The following TNKS variants were observed in gnomAD, a reference collection of about 807,000 sequenced individuals.
The protein encoded by TNKS is poly [ADP-ribose] polymerase tankyrase-1.
TNKS carries 72 observed loss-of-function variants against 135.8 expected under a neutral mutation model. That is an observed-to-expected ratio of 0.53 (90% CI 0.44 to 0.64). The LOEUF is 0.64. Among genes scored for constraint, TNKS ranks in the 30% least tolerant of loss-of-function variants. The probability of loss-of-function intolerance (pLI) is 0.00; values close to 1 mark genes in which losing one functional copy is unlikely to be tolerated. For missense variants in TNKS, 1,769 were observed against 1,674.0 expected, an observed-to-expected ratio of 1.06 and a Z score of -0.99; for synonymous variants, 849 against 649.3, an observed-to-expected ratio of 1.31 and a Z score of -4.68.
chr8:9,751,872 T>A, intron 19 of TNKS, 26 bp downstream of exon 19: 1 of 1,604,146 alleles, frequency 6.2e-7, no homozygotes. Flanking sequence ...GAATGCTTAT[T>A]TATTTATACC....
chr8:9,735,023 C>T lies in TNKS; in HGVS notation c.2472C>T (p.Thr824=), dbSNP rs746955065. 3 of 1,614,066 alleles carry T rather than the reference C, an allele frequency of 1.9e-6. No individual in the cohort carries two copies. The East Asian group carries it at 6.7e-5, about 36-fold the overall frequency. Residue 824 remains threonine (T), a synonymous_variant, in exon 16 of 27, where the codon ACC becomes ACT. Transcript: ENST00000310430. ...GCLARVQKLC[T]PENINCRDTQ... ...TGGCAAGAGTGCAGAAGCTCTGTAC[C>T]CCAGAGAATATCAACTGCAGAGACA...
At chr8:9,729,122 C>T (rs1017158507) in intron 13 of TNKS, among the ~76,000 whole-genome samples, 2 of 152,160 alleles carry the variant, frequency 1.3e-5, no homozygotes, top group African/African-American at 2.4e-5. Context: ...GCTGTATCCT[C>T]ACTTGGCAGA....
At chr8:9,684,626 C>G (rs1802911369) in intron 5 of TNKS, among the ~76,000 whole-genome samples, 4 of 152,070 alleles carry the variant, frequency 2.6e-5, no homozygotes, top group African/African-American at 9.7e-5. Flanking sequence ...ACTGTTGCTA[C>G]TAGTATATGT....
chr8:9,633,851 T>G (rs1800393062), intron 3 of TNKS, among the ~76,000 whole-genome samples: 1 of 152,132 alleles, frequency 6.6e-6, no homozygotes, highest in Non-Finnish European at 1.5e-5. Context: ...TCCAGCCGCA[T>G]TTAAGCCTTG....
At chr8:9,658,669 G>A (rs1585290001) in intron 3 of TNKS, among the ~76,000 whole-genome samples, 1 of 152,190 alleles carries the variant, frequency 6.6e-6, no homozygotes, top group African/African-American at 2.4e-5. Context: ...GGAAGAAACT[G>A]CATCAACTAA....
At chr8:9,647,218 C>A (rs1800951425) in intron 3 of TNKS, among the ~76,000 whole-genome samples, 1 of 152,140 alleles carries the variant, frequency 6.6e-6, no homozygotes, top group African/African-American at 2.4e-5. Flanking sequence ...CAATACTTAC[C>A]TTTGTTCACT....
chr8:9,589,579 C>G (rs1184821934), intron 2 of TNKS, among the ~76,000 whole-genome samples: 1 of 152,168 alleles, frequency 6.6e-6, no homozygotes. Flanking sequence ...ATCTGATGCC[C>G]CACTTTGAGT....
At chr8:9,724,075 A>G (rs1262648119) in intron 12 of TNKS, among the ~76,000 whole-genome samples, 2 of 152,220 alleles carry the variant, frequency 1.3e-5, no homozygotes, top group Non-Finnish European at 1.5e-5. Context: ...CTAACTTTTT[A>G]AAAACTCTAA....
intron 12 of TNKS, among the ~76,000 whole-genome samples, chr8:9,725,338 A>G (rs2128814756): frequency 6.6e-6 from 1 of 152,364 alleles, no homozygotes; most frequent in South Asian, 2.1e-4. Context: ...AAAATGTAAT[A>G]TAACTCTTAA....
chr8:9,580,238 C>A lies in TNKS; in HGVS notation c.753C>A (p.Ile251=), dbSNP rs766530899. Residue 251 remains isoleucine (I), a synonymous_variant, in exon 2 of 27, where the codon ATC becomes ATA. Transcript: ENST00000310430. Reference sequence around the variant, plus strand: ...ACGCTCGTGATGATGGAGGTCTCATCCCGCTTCATAATGCCTGTTCTTTTG... The same window carrying A: ...ACGCTCGTGATGATGGAGGTCTCATACCGCTTCATAATGCCTGTTCTTTTG... The part of the protein sequence containing the change: ...NVHARDDGGL[I]PLHNACSFGH... 4 of 1,614,014 alleles carry A rather than the reference C, an allele frequency of 2.5e-6. No homozygotes were observed. In the East Asian group the frequency reaches 8.9e-5, roughly 36 times the overall value.
chr8:9,582,670 C>G lies in TNKS; in HGVS notation c.898+2287C>G, dbSNP rs80155315. ...TTACATGTAAAATGAGAATACTGTTCTTCACAGTGTTCCTGAGAGGATAAG... is the reference window on the plus strand; with the variant it reads ...TTACATGTAAAATGAGAATACTGTTGTTCACAGTGTTCCTGAGAGGATAAG... On this transcript the variant is annotated intron_variant, in intron 2 of 26. Transcript: ENST00000310430. Among the ~76,000 whole-genome samples, 932 of 152,266 alleles carry G rather than the reference C, an allele frequency of 6.1e-3. 11 individuals carry two copies. Among genetic ancestry groups the G allele is most frequent in the African/African-American group, 0.021 (887 of 41,550 alleles).
At chr8:9,735,131 C>T (rs1235223767) in intron 16 of TNKS, 47 bp downstream of exon 16, 1 of 1,548,742 alleles carries the variant, frequency 6.5e-7, no homozygotes, top group East Asian at 2.3e-5. Flanking sequence ...TTCTCGGACA[C>T]CTAATACAGT....
At chr8:9,749,858 G>A (rs575028634) in intron 18 of TNKS, among the ~76,000 whole-genome samples, 1 of 152,138 alleles carries the variant, frequency 6.6e-6, no homozygotes, top group Non-Finnish European at 1.5e-5. Flanking sequence ...CAGCCAAGTG[G>A]CTTTCTCAAC....
intron 11 of TNKS, among the ~76,000 whole-genome samples, chr8:9,714,933 T>C (rs983314205): frequency 6.6e-6 from 1 of 152,168 alleles, no homozygotes; most frequent in Non-Finnish European, 1.5e-5. Flanking sequence ...AGAATTCACA[T>C]AGTGATTCTA....
chr8:9,624,041 A>ACAACAACAAC (rs575089419), intron 3 of TNKS, among the ~76,000 whole-genome samples: 11,337 of 151,618 alleles, frequency 0.075, 456 homozygotes, highest in South Asian at 0.17. Flanking sequence ...ACAACAACAA[A>ACAACAACAAC]AAACAACTAA....
chr8:9,599,748 G>A (rs746459569), intron 2 of TNKS, among the ~76,000 whole-genome samples: 7 of 147,048 alleles, frequency 4.8e-5, no homozygotes, highest in Non-Finnish European at 1.1e-4. Flanking sequence ...TATATGTACA[G>A]AATAATCTAT....
intron 5 of TNKS, among the ~76,000 whole-genome samples, chr8:9,696,372 G>A (rs1008009638): frequency 1.3e-5 from 2 of 152,016 alleles, no homozygotes; most frequent in East Asian, 1.9e-4. Context: ...ACCAAATAAT[G>A]CTAATAAGGT....
At chr8:9,566,238 C>T (rs970649935) in intron 1 of TNKS, 23 of 152,062 alleles carry the variant, frequency 1.5e-4, no homozygotes, top group Admixed American at 1.4e-3. Context: ...GAGGTACCAA[C>T]TTATGTTTTT....
chr8:9,587,654 G>C (rs7846490), intron 2 of TNKS, among the ~76,000 whole-genome samples: 1 of 151,972 alleles, frequency 6.6e-6, no homozygotes, highest in Non-Finnish European at 1.5e-5. Context: ...CGCCCGCCTC[G>C]GCCTCCCAAA....
Sources: allele counts gnomAD v4.1 joint callset (sites outside exome capture counted in the v4.1 genomes callset), GRCh38; gene constraint gnomAD v4.1.1; transcripts MANE v1.5; gene names NCBI Gene and HGNC (gene_info 2026-07-23, HGNC 2026-07-21).